LRMDA: variants seen among roughly 807,000 people sequenced by gnomAD.
The protein encoded by LRMDA is leucine rich melanocyte differentiation associated.
In LRMDA, 18 loss-of-function variants were observed where a neutral mutation model predicts 29.8. The ratio of observed to expected loss-of-function variants is 0.60; its 90% CI spans 0.42 to 0.90. LRMDA has a LOEUF of 0.90. Among genes scored for constraint, LRMDA ranks in the 40% least tolerant of loss-of-function variants. The pLI, the probability that LRMDA is intolerant of heterozygous loss-of-function variation, is 0.00. For missense variants in LRMDA, 273 were observed against 273.9 expected (o/e 1.00, Z 0.02); for synonymous variants, 125 against 109.4 (o/e 1.14, Z -0.89).
chr10:75,561,247 C>T (rs191746250), intron 2 of LRMDA, among the ~76,000 whole-genome samples: 1,985 of 151,546 alleles, frequency 0.013, 51 homozygotes, highest in African/African-American at 0.045. Context: ...TCAACTTCTT[C>T]CTGGTTTAGT....
chr10:75,972,955 G>C (rs1847002716), intron 2 of LRMDA, among the ~76,000 whole-genome samples: 1 of 152,072 alleles, frequency 6.6e-6, no homozygotes, highest in Non-Finnish European at 1.5e-5. Context: ...TCTACCCTGT[G>C]TGCTACACTG....
intron 6 of LRMDA, among the ~76,000 whole-genome samples, chr10:76,344,071 C>T (rs1421217257): frequency 6.6e-6 from 1 of 152,096 alleles, no homozygotes; most frequent in East Asian, 1.9e-4. Flanking sequence ...ATCCACCCTC[C>T]TCAGCCTCCC....
rs1463811411 is a variant in LRMDA, at chr10:76,309,586, C to T, written c.517-14815C>T. On this transcript the variant is annotated intron_variant, in intron 5 of 6. Transcript: ENST00000611255. ...GGCAAGGAGCGCTGATCTTGAAAGG[C>T]GGGTGTCTCCCTCTTATTACTAGGA... Among the ~76,000 whole-genome samples the T allele has an allele frequency of 3.3e-5, 5 of 152,128 alleles. No homozygotes were observed. The South Asian group carries it at 6.2e-4, about 19-fold the overall frequency.
chr10:76,289,464 G>C (rs1840312172), intron 5 of LRMDA, among the ~76,000 whole-genome samples: 1 of 152,014 alleles, frequency 6.6e-6, no homozygotes, highest in Non-Finnish European at 1.5e-5. Context: ...AACACTTAAA[G>C]TGCTCCACAG....
chr10:76,031,236 A>T (rs553457311), intron 2 of LRMDA, among the ~76,000 whole-genome samples: 1 of 152,094 alleles, frequency 6.6e-6, no homozygotes, highest in Non-Finnish European at 1.5e-5. Flanking sequence ...GCAATTATTT[A>T]CCTACTGAAG....
intron 2 of LRMDA, among the ~76,000 whole-genome samples, chr10:75,457,841 T>G (rs1182102657): frequency 1.3e-5 from 2 of 152,206 alleles, no homozygotes; most frequent in African/African-American, 4.8e-5. Flanking sequence ...GCAAATGCAC[T>G]TTAAATCACT....
At chr10:76,031,430 T>C (rs1453605897) in intron 2 of LRMDA, among the ~76,000 whole-genome samples, 2 of 152,220 alleles carry the variant, frequency 1.3e-5, no homozygotes, top group Non-Finnish European at 2.9e-5. Context: ...TCCTGCTGTC[T>C]GTCCCATGCT....
intron 2 of LRMDA, among the ~76,000 whole-genome samples, chr10:75,520,111 AT>A (rs1845338973): frequency 6.6e-6 from 1 of 151,946 alleles, no homozygotes; most frequent in Non-Finnish European, 1.5e-5. Context: ...TGCCCTTAAC[AT>A]TTTTTCCTTC....
At chr10:75,554,063 A>G (rs992758400) in intron 2 of LRMDA, among the ~76,000 whole-genome samples, 11 of 152,126 alleles carry the variant, frequency 7.2e-5, no homozygotes, top group Admixed American at 1.3e-4. Context: ...TGTGTGTTCT[A>G]TCTGTTCTTG....
chr10:75,885,144 G>A (rs1845363443), intron 2 of LRMDA, among the ~76,000 whole-genome samples: 1 of 152,204 alleles, frequency 6.6e-6, no homozygotes, highest in African/African-American at 2.4e-5. Flanking sequence ...AGGAGGCCAG[G>A]GGAGGACAGC....
At chr10:76,107,930 G>A (rs992375777) in intron 5 of LRMDA, among the ~76,000 whole-genome samples, 1 of 152,114 alleles carries the variant, frequency 6.6e-6, no homozygotes, top group South Asian at 2.1e-4. Flanking sequence ...CTGGTACCAT[G>A]TCCTGGGATA....
intron 2 of LRMDA, among the ~76,000 whole-genome samples, chr10:75,750,483 C>CG (rs1842947073): frequency 4.4e-5 from 2 of 45,462 alleles, no homozygotes; most frequent in African/African-American, 2.1e-4. Context: ...CCAGACGGGG[C>CG]GGGGGGTGGG....
At chr10:76,076,071 C>T (rs528920451) in intron 5 of LRMDA, among the ~76,000 whole-genome samples, 9 of 152,070 alleles carry the variant, frequency 5.9e-5, no homozygotes, top group Non-Finnish European at 5.9e-5. Context: ...GGGCTGGGCG[C>T]GGTGGCTCAT....
At chr10:75,766,362 T>G (rs1388197618) in intron 2 of LRMDA, among the ~76,000 whole-genome samples, 1 of 152,256 alleles carries the variant, frequency 6.6e-6, no homozygotes, top group East Asian at 1.9e-4. Flanking sequence ...GGGCAGTGCT[T>G]GGTACATAAT....
At chr10:75,973,110 T>G (rs1383139260) in intron 2 of LRMDA, among the ~76,000 whole-genome samples, 1 of 151,882 alleles carries the variant, frequency 6.6e-6, no homozygotes, top group Non-Finnish European at 1.5e-5. Flanking sequence ...CTAGGCACTG[T>G]GCCAAGTGTT....
intron 6 of LRMDA, among the ~76,000 whole-genome samples, chr10:76,338,073 G>GAA (rs71788669): frequency 0.046 from 6,219 of 134,118 alleles, 235 homozygotes; most frequent in African/African-American, 0.11. Flanking sequence ...TCTCCTTATA[G>GAA]AAAAAAAAAA....
At chr10:76,091,062 T>C (rs1849222840) in intron 5 of LRMDA, among the ~76,000 whole-genome samples, 1 of 152,252 alleles carries the variant, frequency 6.6e-6, no homozygotes, top group Admixed American at 6.5e-5. Flanking sequence ...CTTTAGGGAC[T>C]TGGGTAGATT....
At chr10:75,584,292 T>G (rs529298874) in intron 2 of LRMDA, among the ~76,000 whole-genome samples, 3 of 152,316 alleles carry the variant, frequency 2.0e-5, no homozygotes, top group African/African-American at 7.2e-5. Context: ...TAACCTCTGC[T>G]AGGAATCGTC....
chr10:76,011,715 T>C (rs1239194180), intron 2 of LRMDA, among the ~76,000 whole-genome samples: 1 of 152,226 alleles, frequency 6.6e-6, no homozygotes, highest in Non-Finnish European at 1.5e-5. Flanking sequence ...TTTAACACCA[T>C]GTGCCCTTCC....
Sources: allele counts gnomAD v4.1 joint callset (sites outside exome capture counted in the v4.1 genomes callset), GRCh38; gene constraint gnomAD v4.1.1; transcripts MANE v1.5; gene names NCBI Gene and HGNC (gene_info 2026-07-23, HGNC 2026-07-21).